Variants in PBX4 observed in about 807,000 individuals in gnomAD.
PBX4 encodes the protein PBX homeobox 4.
Under a neutral mutation model 35.1 loss-of-function variants are expected in PBX4, and 26 were observed. The observed-to-expected ratio is 0.74, with a 90% confidence interval of 0.54 to 1.03. PBX4 has a LOEUF of 1.03. Among genes scored for constraint, PBX4 ranks in the 50% least tolerant of loss-of-function variants. The pLI, the probability that PBX4 is intolerant of heterozygous loss-of-function variation, is 0.00. For synonymous variants in PBX4, 199 were observed against 204.2 expected, an observed-to-expected ratio of 0.97 and a Z score of 0.22; for missense variants, 448 against 504.3, an observed-to-expected ratio of 0.89 and a Z score of 1.07.
intron 1 of PBX4, among the ~76,000 whole-genome samples, chr19:19,599,913 C>A (rs1169997796): frequency 1.3e-5 from 2 of 148,298 alleles, no homozygotes; most frequent in African/African-American, 2.5e-5. Context: ...GCAGAGGTTG[C>A]AGTGAGCCGA....
chr19:19,592,066 T>TG (rs749028308), intron 2 of PBX4, among the ~76,000 whole-genome samples: 255 of 150,682 alleles, frequency 1.7e-3, no homozygotes, highest in Non-Finnish European at 3.0e-3. Context: ...GTGAGGGAGG[T>TG]GGGGGGGTGG....
intron 1 of PBX4, among the ~76,000 whole-genome samples, chr19:19,616,972 G>A (rs1204163347): frequency 6.6e-6 from 1 of 151,936 alleles, no homozygotes; most frequent in South Asian, 2.1e-4. Flanking sequence ...GTGAGCCACC[G>A]CACCTGGCCC....
chr19:19,588,416 T>C (rs2061504310), intron 2 of PBX4: 3 of 1,314,068 alleles, frequency 2.3e-6, no homozygotes, highest in East Asian at 2.5e-5. Flanking sequence ...TGTTTAGCCA[T>C]AGTTCCCAAC....
chr19:19,564,310 A>G (rs1600390545), intron 6 of PBX4, among the ~76,000 whole-genome samples: 5 of 150,656 alleles, frequency 3.3e-5, no homozygotes, highest in Admixed American at 1.3e-4. Flanking sequence ...TGTCCCTACA[A>G]AGGACATGAA....
Position 19,570,623 on chromosome 19 carries a change from C to A in PBX4, c.404G>T (p.Arg135Leu). The change falls in exon 3 of 8, where the codon CGA becomes CTA. Residue 135 changes from arginine to leucine, a missense_variant. Transcript: ENST00000251203. Reference protein sequence around the residue: ...SDYRAKLSQIRQIYHSELEKY... With the variant: ...SDYRAKLSQILQIYHSELEKY... ...CTCTAGCTCAGAGTGGTAAATCTGTCGGATCTGGGACAGCTTGGCCCTGTA... is the reference window on the plus strand; with the variant it reads ...CTCTAGCTCAGAGTGGTAAATCTGTAGGATCTGGGACAGCTTGGCCCTGTA... The A allele has an allele frequency of 6.2e-7, 1 of 1,614,126 alleles. No individual in the cohort carries two copies. The highest frequency in any genetic ancestry group is 1.1e-5 in the South Asian group (1 of 91,044).
intron 2 of PBX4, among the ~76,000 whole-genome samples, chr19:19,596,888 G>A (rs892878276): frequency 1.3e-5 from 2 of 149,194 alleles, no homozygotes; most frequent in African/African-American, 2.4e-5. Context: ...TCCAGCCTGG[G>A]TGACAGAGTG....
rs368764630 is a variant in PBX4, at chr19:19,563,586, C to T, written c.955G>A (p.Ala319Thr). The change falls in exon 7 of 8, where the codon GCT becomes ACT. Residue 319 changes from alanine (A) to threonine (T), a missense_variant. By Grantham distance (58) the Ala-to-Thr change is moderately conservative. Transcript: ENST00000251203. The surrounding 1 kb of genome is among the most constrained non-coding windows in gnomAD (Gnocchi z 5.1). The stretch of plus-strand genomic sequence containing the variant: ...CGCAGGGTGAGGAAGGCGTCCCCAG[C>T]GCTGGGCAGCGGGAAGGGTCCAGAG... ...GSSGPFPLPS[A>T]GDAFLTLRTL... The T allele has an allele frequency of 1.3e-4, 198 of 1,550,028 alleles. No homozygotes were observed. In the African/African-American group the frequency reaches 2.1e-3, roughly 17 times the overall value.
intron 1 of PBX4, 93 bp downstream of exon 1, chr19:19,618,418 C>T: frequency 5.0e-6 from 6 of 1,202,740 alleles, no homozygotes; most frequent in Non-Finnish European, 6.4e-6. Context: ...CTCAAGCGCC[C>T]CTCGTCAGTC....
At chr19:19,589,008 G>C (rs1200538838) in intron 2 of PBX4, among the ~76,000 whole-genome samples, 1 of 151,944 alleles carries the variant, frequency 6.6e-6, no homozygotes, top group Non-Finnish European at 1.5e-5. Context: ...CCCACTTGTA[G>C]TCCCAGCTAC....
chr19:19,584,099 G>A (rs999612085), intron 2 of PBX4, among the ~76,000 whole-genome samples: 2 of 151,838 alleles, frequency 1.3e-5, no homozygotes, highest in Non-Finnish European at 2.9e-5. Context: ...TTAGCTGGGT[G>A]TAGTGGTGCA....
intron 2 of PBX4, among the ~76,000 whole-genome samples, chr19:19,597,858 C>G (rs948388249): frequency 6.6e-6 from 1 of 152,184 alleles, no homozygotes; most frequent in African/African-American, 2.4e-5. Flanking sequence ...GACATATTGA[C>G]AGCATGTTTT....
intron 1 of PBX4, among the ~76,000 whole-genome samples, chr19:19,600,816 C>CAAA (rs35643130): frequency 2.3e-5 from 2 of 88,704 alleles, no homozygotes; most frequent in Non-Finnish European, 4.6e-5. Flanking sequence ...GACTCCATCT[C>CAAA]AAAAAAAAAA....
intron 2 of PBX4, among the ~76,000 whole-genome samples, chr19:19,597,901 G>C (rs1003191333): frequency 1.3e-5 from 2 of 152,140 alleles, no homozygotes; most frequent in Non-Finnish European, 2.9e-5. Flanking sequence ...CACACACATT[G>C]CCTCTGTGGG....
At position 19,588,419 on chromosome 19, in the gene PBX4, T is replaced by C. The variant is rs1415671725; in HGVS notation, c.193+10873A>G. ...AAATCAGGATGATGTTTAGCCATAG[T>C]TCCCAACTAAGCTGGCCACCACACA... On this transcript the variant is annotated intron_variant, in intron 2 of 7. Transcript: ENST00000251203. 8.6e-6 allele frequency: 11 copies of C among 1,283,458 alleles called. 1 individual carries two copies. In the Admixed American group the frequency reaches 1.7e-4, roughly 20 times the overall value. The allele number at this position is 1,283,458 out of a possible 1,614,324, so 79.5% of individuals were successfully genotyped here.
At chr19:19,590,269 C>G (rs982166125) in intron 2 of PBX4, among the ~76,000 whole-genome samples, 2 of 152,124 alleles carry the variant, frequency 1.3e-5, no homozygotes, top group Admixed American at 6.6e-5. Context: ...CTTCCTGTCT[C>G]TATGGATTTG....
chr19:19,569,846 G>T (rs1691476133), intron 4 of PBX4, among the ~76,000 whole-genome samples: 1 of 152,190 alleles, frequency 6.6e-6, no homozygotes, highest in African/African-American at 2.4e-5. Flanking sequence ...GGAGGCGGAG[G>T]TTGTGGTGAG....
At chr19:19,573,369 A>G (rs982664533) in intron 2 of PBX4, among the ~76,000 whole-genome samples, 1 of 150,730 alleles carries the variant, frequency 6.6e-6, no homozygotes, top group African/African-American at 2.5e-5. Flanking sequence ...ACACACACAC[A>G]CATATAGGAT....
chr19:19,566,341 C>T (rs563717274), intron 5 of PBX4, among the ~76,000 whole-genome samples: 6 of 152,276 alleles, frequency 3.9e-5, no homozygotes, highest in African/African-American at 9.6e-5. Context: ...CTTCTCTAGT[C>T]GTGACAACAA....
intron 1 of PBX4, among the ~76,000 whole-genome samples, chr19:19,603,084 AG>A (rs1326774568): frequency 6.6e-6 from 1 of 152,104 alleles, no homozygotes; most frequent in Admixed American, 6.6e-5. Context: ...TCACTATAAA[AG>A]TTCTGGGCCG....
Sources: allele counts gnomAD v4.1 joint callset (sites outside exome capture counted in the v4.1 genomes callset), GRCh38; gene constraint gnomAD v4.1.1; non-coding constraint Gnocchi (gnomAD v3.1); transcripts MANE v1.5; gene names NCBI Gene and HGNC (gene_info 2026-07-23, HGNC 2026-07-21).